The following DSCAM variants were observed in gnomAD, a reference collection of about 807,000 sequenced individuals.
The protein encoded by DSCAM is DS cell adhesion molecule.
DSCAM carries 47 observed loss-of-function variants against 217.7 expected under a neutral mutation model. That is an observed-to-expected ratio of 0.22 (90% CI 0.17 to 0.28). The LOEUF (loss-of-function observed/expected upper bound fraction) is 0.28, where lower values mean the gene tolerates loss of function less well. Ranked by LOEUF, DSCAM falls within the 10% of genes least tolerant of loss-of-function variation. The pLI is 1.00. For missense variants in DSCAM, 2,080 were observed against 2,618.3 expected, an observed-to-expected ratio of 0.79 and a Z score of 4.49; for synonymous variants, 1,056 against 1,015.3, an observed-to-expected ratio of 1.04 and a Z score of -0.76.
intron 8 of DSCAM, among the ~76,000 whole-genome samples, chr21:40,328,654 A>C (rs1309058942): frequency 2.6e-5 from 4 of 152,188 alleles, no homozygotes; most frequent in Admixed American, 2.6e-4. Flanking sequence ...AACTAAAAAA[A>C]CTTCTGCACA....
intron 1 of DSCAM, among the ~76,000 whole-genome samples, chr21:40,821,073 TAGATCTTCAC>T (rs2091921555): frequency 3.7e-5 from 5 of 136,080 alleles, no homozygotes; most frequent in African/African-American, 1.4e-4. Flanking sequence ...TCTTCACATA[TAGATCTTCAC>T]ATATATAGAG....
chr21:40,162,773 C>T (rs1013932880), intron 16 of DSCAM, among the ~76,000 whole-genome samples: 5 of 152,082 alleles, frequency 3.3e-5, no homozygotes, highest in African/African-American at 1.2e-4. Flanking sequence ...GCAGATAGTA[C>T]AATACTGAGG....
intron 3 of DSCAM, among the ~76,000 whole-genome samples, chr21:40,553,562 A>C (rs2146165159): frequency 6.6e-6 from 1 of 152,346 alleles, no homozygotes; most frequent in South Asian, 2.1e-4. Flanking sequence ...GCAAACAAAT[A>C]AGATTTTTAC....
At chr21:40,413,272 C>T (rs980029279) in intron 3 of DSCAM, among the ~76,000 whole-genome samples, 1 of 152,134 alleles carries the variant, frequency 6.6e-6, no homozygotes, top group African/African-American at 2.4e-5. Flanking sequence ...TCCTCCAGAC[C>T]CCAGAAAGGT....
rs529152033 is a variant in DSCAM, at chr21:40,697,317, T to C, written c.362-4361A>G. Among the ~76,000 whole-genome samples, 254 of 152,342 alleles carry C rather than the reference T, an allele frequency of 1.7e-3. 1 individual carries two copies. The highest frequency in any genetic ancestry group is 5.9e-3 in the African/African-American group (246 of 41,586). ...CTTTGCTGATTTTTATTTTCTTTGC[T>C]GTGCAGAGTTTTTCTGCTTGATGTA... On this transcript the variant is annotated intron_variant, in intron 2 of 32. Transcript: ENST00000400454.
chr21:40,565,351 C>T (rs1389582469), intron 3 of DSCAM, among the ~76,000 whole-genome samples: 1 of 152,184 alleles, frequency 6.6e-6, no homozygotes, highest in Admixed American at 6.5e-5. Flanking sequence ...AATAAACTCT[C>T]AGGGGTCAGG....
intron 3 of DSCAM, among the ~76,000 whole-genome samples, chr21:40,485,784 A>G (rs2076023034): frequency 6.6e-6 from 1 of 152,100 alleles, no homozygotes; most frequent in African/African-American, 2.4e-5. Flanking sequence ...TCAAATGTAT[A>G]TTTTATATTG....
chr21:40,769,434 G>A (rs1324921754), intron 1 of DSCAM, among the ~76,000 whole-genome samples: 2 of 152,136 alleles, frequency 1.3e-5, no homozygotes, highest in Non-Finnish European at 2.9e-5. Flanking sequence ...AGACACAGGT[G>A]GGTGGAGAAG....
intron 3 of DSCAM, among the ~76,000 whole-genome samples, chr21:40,651,644 G>GT (rs1163407533): frequency 1.3e-5 from 2 of 152,128 alleles, no homozygotes; most frequent in Admixed American, 6.6e-5. Context: ...TCTCTGACCT[G>GT]TTGGAAACTC....
chr21:40,296,676 A>T (rs1041175830), intron 9 of DSCAM, among the ~76,000 whole-genome samples: 2 of 151,976 alleles, frequency 1.3e-5, no homozygotes, highest in Admixed American at 6.6e-5. Flanking sequence ...TACTAAAAAT[A>T]CAAAATTAGC....
At chr21:40,833,716 C>G (rs1264650698) in intron 1 of DSCAM, among the ~76,000 whole-genome samples, 5 of 152,208 alleles carry the variant, frequency 3.3e-5, no homozygotes, top group African/African-American at 1.2e-4. Context: ...GGAATTGCAA[C>G]TGAGATTCAT....
At chr21:40,221,365 A>G (rs1233159872) in intron 11 of DSCAM, among the ~76,000 whole-genome samples, 1 of 150,538 alleles carries the variant, frequency 6.6e-6, no homozygotes, top group East Asian at 1.9e-4. Flanking sequence ...TTATATGTAT[A>G]ATAATGTGTA....
At chr21:40,084,635 G>A (rs2089507949) in intron 23 of DSCAM, among the ~76,000 whole-genome samples, 1 of 151,746 alleles carries the variant, frequency 6.6e-6, no homozygotes. Flanking sequence ...ATACTGGTAA[G>A]TAAGTCTGGA....
intron 1 of DSCAM, among the ~76,000 whole-genome samples, chr21:40,728,689 G>T (rs1381928769): frequency 6.6e-6 from 1 of 152,092 alleles, no homozygotes; most frequent in African/African-American, 2.4e-5. Context: ...CAAAGTGCTG[G>T]GATTACAGGC....
At chr21:40,803,555 C>T (rs2091760982) in intron 1 of DSCAM, among the ~76,000 whole-genome samples, 1 of 152,154 alleles carries the variant, frequency 6.6e-6, no homozygotes, top group African/African-American at 2.4e-5. Flanking sequence ...CCCCCAGACT[C>T]CCCCTTCTCT....
chr21:40,787,506 C>T (rs766163096), intron 1 of DSCAM, among the ~76,000 whole-genome samples: 2 of 152,118 alleles, frequency 1.3e-5, no homozygotes, highest in African/African-American at 2.4e-5. Context: ...AATGTCAAAA[C>T]GATTGGGTTA....
intron 3 of DSCAM, among the ~76,000 whole-genome samples, chr21:40,594,755 G>A (rs939990753): frequency 1.3e-5 from 2 of 152,140 alleles, no homozygotes; most frequent in African/African-American, 4.8e-5. Flanking sequence ...ACAGATGTGG[G>A]CTCTCAACTG....
At chr21:40,358,199 A>G (rs1569083030) in intron 4 of DSCAM, among the ~76,000 whole-genome samples, 1 of 152,200 alleles carries the variant, frequency 6.6e-6, no homozygotes, top group African/African-American at 2.4e-5. Flanking sequence ...CTGCACTTAA[A>G]AAGTTTTATT....
intron 16 of DSCAM, among the ~76,000 whole-genome samples, chr21:40,147,237 T>C (rs970767023): frequency 4.6e-5 from 7 of 152,316 alleles, no homozygotes; most frequent in Middle Eastern, 6.8e-3. Flanking sequence ...AGTGTTTTCA[T>C]AGAGCCACCA....
Sources: allele counts gnomAD v4.1 joint callset (sites outside exome capture counted in the v4.1 genomes callset), GRCh38; gene constraint gnomAD v4.1.1; transcripts MANE v1.5; gene names NCBI Gene and HGNC (gene_info 2026-07-23, HGNC 2026-07-21).